PLCH1: variants seen among roughly 807,000 people sequenced by gnomAD.
PLCH1 encodes phospholipase C eta 1, also known as 1-phosphatidylinositol 4,5-bisphosphate phosphodiesterase eta-1.
PLCH1 carries 60 observed loss-of-function variants against 126.7 expected under a neutral mutation model. The observed-to-expected ratio is 0.47, with a 90% CI of 0.38 to 0.59. The LOEUF (loss-of-function observed/expected upper bound fraction) is 0.59, where lower values mean the gene tolerates loss of function less well. Among genes scored for constraint, PLCH1 ranks in the 20% least tolerant of loss-of-function variants. PLCH1 has a pLI of 0.00. For missense variants in PLCH1, 1,723 were observed against 2,040.0 expected (o/e 0.84, Z 2.99); for synonymous variants, 719 against 734.9 (o/e 0.98, Z 0.35).
intron 21 of PLCH1, among the ~76,000 whole-genome samples, chr3:155,461,393 C>A (rs1712718424): frequency 6.6e-6 from 1 of 152,134 alleles, no homozygotes; most frequent in South Asian, 2.1e-4. Flanking sequence ...CATGTAACTG[C>A]AGTTGGAGCT....
chr3:155,679,878 T>C (rs1270126095), intron 2 of PLCH1, among the ~76,000 whole-genome samples: 2 of 152,210 alleles, frequency 1.3e-5, no homozygotes, highest in Non-Finnish European at 2.9e-5. Flanking sequence ...ACGGCTGTGA[T>C]GAACCAGAAT....
chr3:155,713,225 T>G (rs1210697014), intron 1 of PLCH1, among the ~76,000 whole-genome samples: 2 of 152,018 alleles, frequency 1.3e-5, no homozygotes, highest in Non-Finnish European at 2.9e-5. Context: ...TCTTCCCACA[T>G]CCACCATTCA....
intron 18 of PLCH1, 30 bp downstream of exon 18, chr3:155,492,699 C>A: frequency 2.0e-6 from 3 of 1,510,678 alleles, no homozygotes; most frequent in South Asian, 1.4e-5. Context: ...CATAATTAAC[C>A]ACTTAGACAC....
intron 2 of PLCH1, among the ~76,000 whole-genome samples, chr3:155,693,930 T>TAAAA (rs1328901376): frequency 2.1e-5 from 3 of 146,248 alleles, no homozygotes; most frequent in African/African-American, 7.6e-5. Flanking sequence ...AACTCTGTCT[T>TAAAA]AAAAAAAAAA....
At chr3:155,737,657 A>C (rs1447046477) in intron 1 of PLCH1, among the ~76,000 whole-genome samples, 1 of 152,222 alleles carries the variant, frequency 6.6e-6, no homozygotes, top group East Asian at 1.9e-4. Context: ...AATACCTCCT[A>C]TATCACTCAA....
Position 155,452,995 on chromosome 3 carries a change from A to C in PLCH1, c.2938+32361T>G, listed in dbSNP as rs73873200. On this transcript the variant is annotated intron_variant, in intron 21 of 21. Coordinates refer to the PLCH1 transcript ENST00000494598. Reference sequence around the variant, plus strand: ...ATCAGGAAATAAGTTGGATCCTGTAAGTTAAAGTGGGTACATGTGGGAAGA... The same window carrying C: ...ATCAGGAAATAAGTTGGATCCTGTACGTTAAAGTGGGTACATGTGGGAAGA... Among the ~76,000 whole-genome samples, 1,146 of 152,260 alleles carry C rather than the reference A, an allele frequency of 7.5e-3. 13 individuals carry two copies. Among genetic ancestry groups the C allele is most frequent in the African/African-American group, 0.026 (1,078 of 41,536 alleles).
intron 21 of PLCH1, among the ~76,000 whole-genome samples, chr3:155,469,116 C>T (rs1004436895): frequency 1.2e-4 from 18 of 152,294 alleles, no homozygotes; most frequent in Admixed American, 2.0e-4. Context: ...CAGCTCCCAA[C>T]GTGAGCGACG....
In PLCH1 at chr3:155,572,165, T is replaced by C. The variant is rs528599357; in HGVS notation, c.772-3841A>G. Among the ~76,000 whole-genome samples, 31 of 152,348 alleles carry C rather than the reference T, an allele frequency of 2.0e-4. No individual in the cohort carries two copies. In the East Asian group the frequency reaches 4.8e-3, roughly 24 times the overall value. ...CTTCTGGTTGGGTTCTGGAACTGTA[T>C]TCAGCTTTTGCTCTGACTTTACTCT... On this transcript the variant is annotated intron_variant, in intron 6 of 22. Coordinates refer to ENST00000460012, the MANE Select transcript of PLCH1 (RefSeq NM_014996.4).
intron 1 of PLCH1, among the ~76,000 whole-genome samples, chr3:155,705,464 T>C (rs1402271680): frequency 6.6e-6 from 1 of 152,168 alleles, no homozygotes; most frequent in Non-Finnish European, 1.5e-5. Context: ...GAGGGAGTCT[T>C]ACTACTGTAT....
intron 1 of PLCH1, among the ~76,000 whole-genome samples, chr3:155,734,913 A>G (rs142046797): frequency 0.038 from 5,809 of 151,864 alleles, 134 homozygotes; most frequent in Non-Finnish European, 0.057. Context: ...GTTTCACCAT[A>G]TTAGCCAGGA....
chr3:155,533,238 T>C (rs528606321), intron 10 of PLCH1, among the ~76,000 whole-genome samples: 36 of 152,010 alleles, frequency 2.4e-4, no homozygotes, highest in African/African-American at 8.2e-4. Context: ...ATTTGCAGCC[T>C]GATGATGTGA....
chr3:155,598,062 T>C (rs1415272743), intron 2 of PLCH1, among the ~76,000 whole-genome samples: 1 of 152,010 alleles, frequency 6.6e-6, no homozygotes, highest in African/African-American at 2.4e-5. Flanking sequence ...CAGGCACCTG[T>C]AATCTCAGGT....
chr3:155,577,878 C>G (rs1050883674), intron 6 of PLCH1, among the ~76,000 whole-genome samples: 86 of 152,188 alleles, frequency 5.7e-4, no homozygotes, highest in African/African-American at 2.0e-3. Context: ...AACTTTAATT[C>G]CTCACATTGC....
At chr3:155,663,050 A>G (rs958866247) in intron 2 of PLCH1, among the ~76,000 whole-genome samples, 6 of 152,208 alleles carry the variant, frequency 3.9e-5, no homozygotes, top group African/African-American at 9.6e-5. Flanking sequence ...AAAATCTCCA[A>G]TGTTTTATAA....
intron 2 of PLCH1, among the ~76,000 whole-genome samples, chr3:155,600,450 G>A (rs1237972546): frequency 6.6e-6 from 1 of 152,138 alleles, no homozygotes; most frequent in African/African-American, 2.4e-5. Flanking sequence ...AGTTCTAGTG[G>A]CTTAGAATGA....
At chr3:155,534,931 T>C (rs1433374096) in intron 10 of PLCH1, among the ~76,000 whole-genome samples, 1 of 152,242 alleles carries the variant, frequency 6.6e-6, no homozygotes, top group Non-Finnish European at 1.5e-5. Context: ...ATGCTTCCTG[T>C]TAAGCCTGTG....
intron 2 of PLCH1, among the ~76,000 whole-genome samples, chr3:155,683,081 C>T (rs1030768977): frequency 6.6e-6 from 1 of 152,196 alleles, no homozygotes; most frequent in African/African-American, 2.4e-5. Context: ...TGACATGCAT[C>T]AGTGGACAGT....
Position 155,565,694 on chromosome 3 carries a change from A to AT in PLCH1, c.866-577dup, listed in dbSNP as rs770464294. On this transcript the variant is annotated intron_variant, in intron 7 of 22. Coordinates refer to ENST00000460012, the MANE Select transcript of PLCH1 (RefSeq NM_014996.4). ...TTTCTTTCCTTCTTTATTTTATTTTATTTATTTATTTTTTTTTTTGAGATG... is the reference window on the plus strand; with the variant it reads ...TTTCTTTCCTTCTTTATTTTATTTTATTTTATTTATTTTTTTTTTTGAGATG... 7.3e-3 allele frequency among the ~76,000 whole-genome samples: 630 copies of AT among 86,134 alleles called. 1 individual carries two copies. Among genetic ancestry groups the AT allele is most frequent in the Non-Finnish European group, 0.014 (413 of 28,828 alleles). The allele number at this position is 86,134 out of a possible 152,430, so 56.5% of individuals were successfully genotyped here. A position where few individuals can be genotyped will look rare whatever the true frequency, so the allele number is the denominator to read the frequency against.
intron 10 of PLCH1, among the ~76,000 whole-genome samples, chr3:155,533,964 G>A (rs185580505): frequency 1.3e-5 from 2 of 149,516 alleles, no homozygotes; most frequent in African/African-American, 2.6e-5. Context: ...AAGGATGTAT[G>A]GAAACACCTG....
Sources: allele counts gnomAD v4.1 joint callset (sites outside exome capture counted in the v4.1 genomes callset), GRCh38; gene constraint gnomAD v4.1.1; transcripts MANE v1.5; gene names NCBI Gene and HGNC (gene_info 2026-07-23, HGNC 2026-07-21).